DNAJC3: variants seen among roughly 807,000 people sequenced by gnomAD.
The protein encoded by DNAJC3 is dnaJ homolog subfamily C member 3.
Under a neutral mutation model 68.6 loss-of-function variants are expected in DNAJC3, and 38 were observed. The ratio of observed to expected loss-of-function variants is 0.55; its 90% confidence interval spans 0.43 to 0.73. The LOEUF (loss-of-function observed/expected upper bound fraction) is 0.73. Among genes scored for constraint, DNAJC3 ranks in the 30% least tolerant of loss-of-function variants. The pLI, the probability that DNAJC3 is intolerant of heterozygous loss-of-function variation, is 0.00. For synonymous variants in DNAJC3, 203 were observed against 204.0 expected (o/e 1.00, Z 0.04); for missense variants, 526 against 591.9 (o/e 0.89, Z 1.16).
intron 1 of DNAJC3, chr13:95,695,079 T>A (rs1566470472): frequency 6.6e-6 from 1 of 152,230 alleles, no homozygotes; most frequent in Non-Finnish European, 1.5e-5. Context: ...GGTTCTCAGT[T>A]GATAAAGCCA....
At chr13:95,758,806 T>G (rs545548443) in intron 5 of DNAJC3, among the ~76,000 whole-genome samples, 8 of 152,172 alleles carry the variant, frequency 5.3e-5, no homozygotes, top group Non-Finnish European at 1.2e-4. Flanking sequence ...TCACAGTATT[T>G]TGATATACAG....
intron 2 of DNAJC3, among the ~76,000 whole-genome samples, chr13:95,720,152 A>G (rs924420344): frequency 2.6e-5 from 4 of 152,128 alleles, no homozygotes; most frequent in Non-Finnish European, 4.4e-5. Flanking sequence ...ATAGAATGTT[A>G]TGGAATTTGA....
At chr13:95,760,594 A>G in intron 6 of DNAJC3, 85 bp from the exon 7 acceptor site, 1 of 1,513,056 alleles carries the variant, frequency 6.6e-7, no homozygotes, top group East Asian at 2.3e-5. Context: ...TGCAAACAAA[A>G]AATACTTTTA....
At chr13:95,723,396 G>A (rs1166091632) in intron 3 of DNAJC3, 30 bp downstream of exon 3, 3 of 1,593,422 alleles carry the variant, frequency 1.9e-6, no homozygotes, top group Non-Finnish European at 2.6e-6. Flanking sequence ...CTTTAAAGGG[G>A]AACTTAACAG....
At chr13:95,790,127 A>G (rs1883721717) in intron 11 of DNAJC3, among the ~76,000 whole-genome samples, 2 of 152,240 alleles carry the variant, frequency 1.3e-5, no homozygotes, top group Middle Eastern at 3.4e-3. Flanking sequence ...TCATTTGTCA[A>G]TTTTTGCTTT....
Position 95,737,224 on chromosome 13 carries a change from A to G in DNAJC3, c.393+11972A>G, listed in dbSNP as rs779247721. Among the ~76,000 whole-genome samples, 915 of 151,982 alleles carry G rather than the reference A, an allele frequency of 6.0e-3. 11 individuals carry two copies. Among genetic ancestry groups the G allele is most frequent in the East Asian group, 0.044 (225 of 5,172 alleles). ...GATGTGCTGCTGGATTCGTTTTGCC[A>G]GTATTTTATTGAGGATTTTTGCATC... On this transcript the variant is annotated intron_variant, in intron 4 of 11. Coordinates refer to ENST00000602402, the MANE Select transcript of DNAJC3 (RefSeq NM_006260.5).
chr13:95,692,047 AAG>A (rs1880284558), intron 1 of DNAJC3, among the ~76,000 whole-genome samples: 1 of 146,094 alleles, frequency 6.8e-6, no homozygotes, highest in South Asian at 2.1e-4. Context: ...AGACCATGGA[AAG>A]AGAGGGAGAG....
chr13:95,682,466 C>T (rs1353181818), intron 1 of DNAJC3, among the ~76,000 whole-genome samples: 1 of 152,052 alleles, frequency 6.6e-6, no homozygotes. Flanking sequence ...ATACCTTTAA[C>T]CCCCCACCTT....
intron 4 of DNAJC3, among the ~76,000 whole-genome samples, chr13:95,749,573 T>G (rs1428283389): frequency 6.6e-6 from 1 of 152,154 alleles, no homozygotes; most frequent in Non-Finnish European, 1.5e-5. Context: ...TGGGGAGGGA[T>G]AGCAATGGGT....
chr13:95,765,409 TAA>T (rs531346540), intron 9 of DNAJC3, among the ~76,000 whole-genome samples: 2,968 of 138,798 alleles, frequency 0.021, 96 homozygotes, highest in African/African-American at 0.073. Context: ...GCTTAGCTGT[TAA>T]AAAAAAAAAA....
At chr13:95,770,699 G>T (rs1450759600) in intron 9 of DNAJC3, among the ~76,000 whole-genome samples, 1 of 152,120 alleles carries the variant, frequency 6.6e-6, no homozygotes, top group Non-Finnish European at 1.5e-5. Context: ...GTTAGAATGT[G>T]ATCTAGTGTA....
Position 95,786,031 on chromosome 13 carries a change from T to C in DNAJC3, c.1168T>C (p.Ser390Pro), listed in dbSNP as rs1883592100. The change falls in exon 10 of 12, where the codon TCG becomes CCG. Residue 390 changes from serine to proline, a missense_variant. Physicochemically the swap from Ser to Pro is moderately conservative, Grantham distance 74 (BLOSUM62 -1). Transcript: ENST00000602402. ...LEKAQRLLKQSQKRDYYKILG... is the reference protein window; with the variant it reads ...LEKAQRLLKQPQKRDYYKILG... ...GAAAGCACAAAGATTATTGAAACAG[T>C]CGCAGAAACGAGATTATTATAAAAT... 1 of 1,609,418 alleles carries C rather than the reference T, an allele frequency of 6.2e-7. No homozygotes were observed. Among genetic ancestry groups the C allele is most frequent in the African/African-American group, 1.3e-5 (1 of 74,700 alleles).
intron 9 of DNAJC3, among the ~76,000 whole-genome samples, chr13:95,764,698 A>C (rs1299747190): frequency 7.4e-6 from 1 of 135,156 alleles, no homozygotes; most frequent in Non-Finnish European, 1.5e-5. Context: ...ACACACACAT[A>C]TATATATACA....
intron 4 of DNAJC3, among the ~76,000 whole-genome samples, chr13:95,731,177 A>T (rs1881696893): frequency 6.6e-6 from 1 of 152,116 alleles, no homozygotes; most frequent in Non-Finnish European, 1.5e-5. Context: ...AATTAAAAAA[A>T]ATAGTTCTGA....
intron 1 of DNAJC3, among the ~76,000 whole-genome samples, chr13:95,690,020 G>C (rs1025911296): frequency 1.3e-5 from 2 of 150,960 alleles, no homozygotes; most frequent in African/African-American, 2.4e-5. Context: ...TCATTCTTGG[G>C]TGTTTCTCGC....
intron 4 of DNAJC3, among the ~76,000 whole-genome samples, chr13:95,734,745 C>T (rs950429628): frequency 1.3e-5 from 2 of 149,718 alleles, no homozygotes. Flanking sequence ...TTCTGATTGG[C>T]TTATTTCAAA....
At chr13:95,765,491 C>T (rs1307186045) in intron 9 of DNAJC3, among the ~76,000 whole-genome samples, 1 of 148,826 alleles carries the variant, frequency 6.7e-6, no homozygotes. Context: ...GTTAAACTGA[C>T]TTGCTTTTTG....
intron 4 of DNAJC3, among the ~76,000 whole-genome samples, chr13:95,757,110 T>C (rs1214474812): frequency 6.6e-6 from 1 of 152,224 alleles, no homozygotes; most frequent in East Asian, 1.9e-4. Context: ...AAGGTATTAC[T>C]CTTATTTCCT....
chr13:95,768,983 T>TTATCTATATCTATATCTA lies in DNAJC3; in HGVS notation c.1075+5061_1075+5078dup, dbSNP rs67826872. Among the ~76,000 whole-genome samples, 757 of 148,238 alleles carry TTATCTATATCTATATCTA rather than the reference T, an allele frequency of 5.1e-3. 2 individuals are homozygous for TTATCTATATCTATATCTA. The highest frequency in any genetic ancestry group is 0.01 in the East Asian group (51 of 4,942). ...TGAGCAAAACTCAGTCTCCAAAAAA[T>TTATCTATATCTATATCTA]TATCTATATCTATATCTATATCTAT... is the stretch of plus-strand genomic sequence containing the variant. On this transcript the variant is annotated intron_variant, in intron 9 of 11. Transcript: ENST00000602402.
Sources: gnomAD v4.1 joint callset for allele counts (sites outside exome capture counted in the v4.1 genomes callset) on GRCh38, gnomAD v4.1.1 for gene constraint, MANE v1.5 for transcripts, NCBI Gene and HGNC (gene_info 2026-07-23, HGNC 2026-07-21) for gene names.